Variants in PCDH7 observed in about 807,000 individuals in gnomAD.
PCDH7 encodes the protein protocadherin 7, also known as protocadherin-7.
A neutral mutation model predicts 58.9 loss-of-function variants in PCDH7; 17 were observed. The ratio of observed to expected loss-of-function variants is 0.29; its 90% CI spans 0.20 to 0.43. The LOEUF is 0.43. Among genes scored for constraint, PCDH7 ranks in the 20% least tolerant of loss-of-function variants. PCDH7 has a pLI of 1.00. For synonymous variants in PCDH7, 664 were observed against 616.4 expected (o/e 1.08, Z -1.14); for missense variants, 1,274 against 1,441.0 (o/e 0.88, Z 1.88).
intron 1 of PCDH7, among the ~76,000 whole-genome samples, chr4:30,770,456 TA>T (rs1254819130): frequency 6.4e-4 from 98 of 152,302 alleles, no homozygotes; most frequent in Non-Finnish European, 1.8e-4. Context: ...ATATGTTTGT[TA>T]TGGAAACTGT....
chr4:30,810,452 C>A (rs948354522), intron 1 of PCDH7, among the ~76,000 whole-genome samples: 47 of 150,362 alleles, frequency 3.1e-4, no homozygotes, highest in African/African-American at 1.1e-3. Context: ...TGCTTTTCTA[C>A]TCATTGGAAA....
chr4:30,833,436 C>T (rs1159999131), intron 1 of PCDH7, among the ~76,000 whole-genome samples: 2 of 152,182 alleles, frequency 1.3e-5, no homozygotes, highest in Non-Finnish European at 2.9e-5. Context: ...GACACTGACT[C>T]TTCCGCCTTC....
intron 3 of PCDH7, among the ~76,000 whole-genome samples, chr4:30,957,416 A>G (rs1350797115): frequency 1.3e-5 from 2 of 152,320 alleles, no homozygotes; most frequent in East Asian, 3.9e-4. Flanking sequence ...AACATAAGCC[A>G]GTGTGTTCAA....
intron 3 of PCDH7, among the ~76,000 whole-genome samples, chr4:31,088,290 C>A (rs1159519928): frequency 6.6e-6 from 1 of 151,932 alleles, no homozygotes; most frequent in Non-Finnish European, 1.5e-5. Context: ...TGTTAATTTT[C>A]TGTTAATTTT....
intron 1 of PCDH7, among the ~76,000 whole-genome samples, chr4:30,834,680 C>A (rs1730244519): frequency 6.6e-6 from 1 of 151,562 alleles, no homozygotes; most frequent in Non-Finnish European, 1.5e-5. Context: ...AAAAAAAAAC[C>A]TGAGTCTCTT....
At chr4:30,756,838 T>C (rs889653882) in intron 1 of PCDH7, among the ~76,000 whole-genome samples, 4 of 152,154 alleles carry the variant, frequency 2.6e-5, no homozygotes, top group African/African-American at 9.7e-5. Context: ...TTTCTTCATC[T>C]CCCTTTTGGC....
intron 3 of PCDH7, among the ~76,000 whole-genome samples, chr4:31,064,572 C>A (rs1269027713): frequency 6.6e-6 from 1 of 151,958 alleles, no homozygotes; most frequent in African/African-American, 2.4e-5. Flanking sequence ...ACCTTTCTTG[C>A]CTCTTCCCAG....
Position 31,016,195 on chromosome 4 carries a change from C to T in PCDH7, c.*7+65980C>T, listed in dbSNP as rs192522810. ...AATGTTCAGGTTCTTTCTACTTTTT[C>T]ATTCACAATTATTAGATTATGAGGA... On this transcript the variant is annotated intron_variant, in intron 3 of 3. Coordinates refer to the PCDH7 transcript ENST00000509759. 7.9e-4 allele frequency among the ~76,000 whole-genome samples: 121 copies of T among 152,208 alleles called. No homozygotes were observed. In the Middle Eastern group the frequency reaches 0.017, roughly 22 times the overall value.
At chr4:31,007,919 T>G (rs1752902161) in intron 3 of PCDH7, among the ~76,000 whole-genome samples, 1 of 152,148 alleles carries the variant, frequency 6.6e-6, no homozygotes, top group African/African-American at 2.4e-5. Context: ...CTGAACATGC[T>G]TTACCCTGAA....
At chr4:31,086,182 G>A (rs1300086173) in intron 3 of PCDH7, among the ~76,000 whole-genome samples, 1 of 152,118 alleles carries the variant, frequency 6.6e-6, no homozygotes, top group Non-Finnish European at 1.5e-5. Flanking sequence ...TCCTTTATGT[G>A]AAGCCTATAC....
chr4:31,102,595 C>T (rs1715037511), intron 3 of PCDH7, among the ~76,000 whole-genome samples: 1 of 151,136 alleles, frequency 6.6e-6, no homozygotes, highest in Non-Finnish European at 1.5e-5. Flanking sequence ...GGTGGTGGAA[C>T]CGGGGAGGTG....
intron 1 of PCDH7, among the ~76,000 whole-genome samples, chr4:30,863,601 A>G (rs1002180538): frequency 1.3e-5 from 2 of 152,140 alleles, no homozygotes; most frequent in East Asian, 1.9e-4. Context: ...CGTATCTTAC[A>G]GCATAAAAGC....
intron 1 of PCDH7, among the ~76,000 whole-genome samples, chr4:30,754,757 A>C (rs967834741): frequency 3.3e-5 from 1 of 29,922 alleles, no homozygotes; most frequent in African/African-American, 1.2e-4. Context: ...TTAGAAACTT[A>C]TATGTACTTT....
intron 3 of PCDH7, among the ~76,000 whole-genome samples, chr4:31,126,618 T>G (rs1394641939): frequency 6.6e-6 from 1 of 152,202 alleles, no homozygotes; most frequent in African/African-American, 2.4e-5. Context: ...CGAGATTTTA[T>G]GTCCTGCCTT....
intron 1 of PCDH7, among the ~76,000 whole-genome samples, chr4:30,855,960 T>C (rs1733402969): frequency 6.6e-6 from 1 of 152,124 alleles, no homozygotes; most frequent in Admixed American, 6.6e-5. Flanking sequence ...GTCTGGGTAA[T>C]CATCAACTGA....
chr4:30,892,277 C>T (rs1303856474), intron 1 of PCDH7, among the ~76,000 whole-genome samples: 4 of 151,982 alleles, frequency 2.6e-5, no homozygotes, highest in Non-Finnish European at 4.4e-5. Flanking sequence ...TGGTATGAAG[C>T]ACCTCTCTAT....
intron 3 of PCDH7, among the ~76,000 whole-genome samples, chr4:30,961,028 G>C (rs1487883799): frequency 6.6e-6 from 1 of 152,114 alleles, no homozygotes; most frequent in African/African-American, 2.4e-5. Flanking sequence ...GTTGTTATTT[G>C]ACCTCAAAAT....
intron 3 of PCDH7, among the ~76,000 whole-genome samples, chr4:30,970,994 A>T (rs1560543685): frequency 6.6e-6 from 1 of 152,206 alleles, no homozygotes; most frequent in Non-Finnish European, 1.5e-5. Flanking sequence ...TTAGGAAGGA[A>T]TATTACGTGC....
chr4:31,067,843 T>A (rs1758219541), intron 3 of PCDH7, among the ~76,000 whole-genome samples: 1 of 151,962 alleles, frequency 6.6e-6, no homozygotes. Flanking sequence ...GCTGTGAAGT[T>A]GCTGGAGATA....
Sources: allele counts gnomAD v4.1 joint callset (sites outside exome capture counted in the v4.1 genomes callset), GRCh38; gene constraint gnomAD v4.1.1; transcripts MANE v1.5; gene names NCBI Gene and HGNC (gene_info 2026-07-23, HGNC 2026-07-21).